Variants in CADM2 observed in about 807,000 individuals in gnomAD.
CADM2 encodes the protein cell adhesion molecule 2, also known as immunoglobulin superfamily member 4D.
A neutral mutation model predicts 49.8 loss-of-function variants in CADM2; 12 were observed. The observed-to-expected ratio is 0.24, with a 90% confidence interval of 0.15 to 0.39. CADM2 has a LOEUF of 0.39. Among genes scored for constraint, CADM2 ranks in the 10% least tolerant of loss-of-function variants. The pLI, the probability that CADM2 is intolerant of heterozygous loss-of-function variation, is 1.00. For synonymous variants in CADM2, 214 were observed against 175.4 expected (o/e 1.22, Z -1.74); for missense variants, 378 against 492.3 (o/e 0.77, Z 2.20).
intron 1 of CADM2, among the ~76,000 whole-genome samples, chr3:85,164,966 ATGTGTG>A (rs142280188): frequency 6.7e-6 from 1 of 150,050 alleles, no homozygotes; most frequent in African/African-American, 2.4e-5. Context: ...GTGTGTACAT[ATGTGTG>A]TGTGTGTGTG....
chr3:85,944,852 A>C (rs960711250), intron 7 of CADM2, among the ~76,000 whole-genome samples: 1 of 152,140 alleles, frequency 6.6e-6, no homozygotes, highest in Non-Finnish European at 1.5e-5. Flanking sequence ...ACACCCTAAT[A>C]TCACAATTAA....
At chr3:85,154,303 A>G (rs2040028321) in intron 1 of CADM2, among the ~76,000 whole-genome samples, 1 of 152,232 alleles carries the variant, frequency 6.6e-6, no homozygotes, top group East Asian at 1.9e-4. Context: ...CAGAAGCCTC[A>G]GGAGCTCATG....
rs1721071384 is a variant in CADM2, at chr3:85,935,309, A to G, written c.701-458A>G. ...GAAAAGATTCTGCATAATACTTGTG[A>G]GACAGTAATTGAGCTTGAGTTCATT... is the stretch of plus-strand genomic sequence containing the variant. On this transcript the variant is annotated intron_variant, in intron 6 of 9. Transcript: ENST00000383699. Among the ~76,000 whole-genome samples, 3 of 152,074 alleles carry G rather than the reference A, an allele frequency of 2.0e-5. No individual in the cohort carries two copies. In the South Asian group the frequency reaches 6.2e-4, roughly 31 times the overall value.
At chr3:85,768,456 A>C (rs1359336769) in intron 2 of CADM2, among the ~76,000 whole-genome samples, 4 of 96,620 alleles carry the variant, frequency 4.1e-5, no homozygotes, top group African/African-American at 1.6e-4. Flanking sequence ...AAAATAAATA[A>C]ATAAATAAAT....
At chr3:85,354,324 A>G (rs1157491334) in intron 1 of CADM2, among the ~76,000 whole-genome samples, 1 of 124,222 alleles carries the variant, frequency 8.1e-6, no homozygotes, top group Non-Finnish European at 1.6e-5. Flanking sequence ...GGACACAGGA[A>G]GGGGAACATC....
intron 1 of CADM2, among the ~76,000 whole-genome samples, chr3:84,966,858 A>G (rs962153670): frequency 1.3e-5 from 2 of 152,158 alleles, no homozygotes; most frequent in Non-Finnish European, 2.9e-5. Flanking sequence ...AGTCATAGTT[A>G]AGGAGTTTTT....
At chr3:85,693,538 C>T (rs911749512) in intron 1 of CADM2, among the ~76,000 whole-genome samples, 5 of 143,090 alleles carry the variant, frequency 3.5e-5, no homozygotes, top group Non-Finnish European at 6.0e-5. Context: ...CGAGATAGTG[C>T]CACTGCAGTC....
rs116305982 is a variant in CADM2, at chr3:85,006,075, T to G, written c.61+46407T>G. ...GAAAGAGATGCTTTTAAGGCTTTACTGTACACAGACACAAACAATGTGGCC... is the reference window on the plus strand; with the variant it reads ...GAAAGAGATGCTTTTAAGGCTTTACGGTACACAGACACAAACAATGTGGCC... On this transcript the variant is annotated intron_variant, in intron 1 of 9. Coordinates refer to ENST00000383699, the MANE Select transcript of CADM2 (RefSeq NM_001167675.2). Among the ~76,000 whole-genome samples the G allele has an allele frequency of 6.1e-3, 930 of 152,286 alleles. 15 individuals are homozygous for G. Among genetic ancestry groups the G allele is most frequent in the African/African-American group, 0.021 (890 of 41,564 alleles).
At chr3:85,302,477 T>C (rs1002334160) in intron 1 of CADM2, among the ~76,000 whole-genome samples, 1 of 152,040 alleles carries the variant, frequency 6.6e-6, no homozygotes, top group Non-Finnish European at 1.5e-5. Flanking sequence ...AAGAGTTTGC[T>C]AATGTTTCCC....
chr3:85,927,728 C>T (rs948526150), intron 6 of CADM2, among the ~76,000 whole-genome samples: 1 of 152,110 alleles, frequency 6.6e-6, no homozygotes, highest in Non-Finnish European at 1.5e-5. Flanking sequence ...TTGGTTGTTT[C>T]TCTTACTTAG....
chr3:85,962,979 G>T (rs111483475), intron 8 of CADM2, among the ~76,000 whole-genome samples: 3 of 151,894 alleles, frequency 2.0e-5, no homozygotes, highest in African/African-American at 7.2e-5. Flanking sequence ...AAAGAAATTT[G>T]GGGGTCTAGT....
At chr3:85,901,614 G>A (rs1338527349) in intron 5 of CADM2, among the ~76,000 whole-genome samples, 1 of 151,894 alleles carries the variant, frequency 6.6e-6, no homozygotes, top group Non-Finnish European at 1.5e-5. Flanking sequence ...GCCAAACCTG[G>A]GGTTAGCTAT....
At chr3:86,053,301 A>G (rs1279301252) in intron 8 of CADM2, among the ~76,000 whole-genome samples, 1 of 152,198 alleles carries the variant, frequency 6.6e-6, no homozygotes, top group Non-Finnish European at 1.5e-5. Flanking sequence ...TTTGAACTCT[A>G]AACATATTTT....
At chr3:85,020,436 A>G (rs2034447148) in intron 1 of CADM2, among the ~76,000 whole-genome samples, 1 of 152,212 alleles carries the variant, frequency 6.6e-6, no homozygotes, top group Admixed American at 6.5e-5. Flanking sequence ...GGTATAATGA[A>G]CATATCAATC....
intron 1 of CADM2, among the ~76,000 whole-genome samples, chr3:85,348,405 T>C (rs532352755): frequency 4.5e-4 from 69 of 152,334 alleles, no homozygotes; most frequent in African/African-American, 1.6e-3. Flanking sequence ...TGTTTGACCA[T>C]TGACTAAATA....
At chr3:85,062,463 G>A (rs1035004975) in intron 1 of CADM2, among the ~76,000 whole-genome samples, 4 of 151,232 alleles carry the variant, frequency 2.6e-5, no homozygotes, top group African/African-American at 4.9e-5. Context: ...TAAATAAATC[G>A]GAAATATTCC....
chr3:85,743,620 C>A (rs2068484800), intron 2 of CADM2, among the ~76,000 whole-genome samples: 2 of 152,030 alleles, frequency 1.3e-5, no homozygotes, highest in Non-Finnish European at 2.9e-5. Context: ...TTATTGATCC[C>A]AGTAAAAAAA....
chr3:85,290,695 G>C (rs913077364), intron 1 of CADM2, among the ~76,000 whole-genome samples: 12 of 152,160 alleles, frequency 7.9e-5, no homozygotes, highest in South Asian at 4.1e-4. Flanking sequence ...CCTCACATGG[G>C]CTGGTACTCC....
intron 1 of CADM2, among the ~76,000 whole-genome samples, chr3:85,423,895 T>C (rs1378905895): frequency 6.6e-6 from 1 of 152,184 alleles, no homozygotes; most frequent in Non-Finnish European, 1.5e-5. Flanking sequence ...TTACTTTGTC[T>C]TCCCTATCAG....
Sources: allele counts gnomAD v4.1 joint callset (sites outside exome capture counted in the v4.1 genomes callset), GRCh38; gene constraint gnomAD v4.1.1; transcripts MANE v1.5; gene names NCBI Gene and HGNC (gene_info 2026-07-23, HGNC 2026-07-21).